Variants in GLIS3 observed in about 807,000 individuals in gnomAD.
GLIS3 encodes GLIS family zinc finger 3.
In GLIS3, 53 loss-of-function variants were observed where a neutral mutation model predicts 78.6. That is an observed-to-expected ratio of 0.67 (90% confidence interval 0.54 to 0.85). GLIS3 has a LOEUF of 0.85. Among genes scored for constraint, GLIS3 ranks in the 40% least tolerant of loss-of-function variants. GLIS3 has a pLI of 0.00. For missense variants in GLIS3, 1,703 were observed against 1,231.1 expected (o/e 1.38, Z -5.74); for synonymous variants, 684 against 509.9 (o/e 1.34, Z -4.60).
chr9:4,315,930 G>C (rs965550388), intron 2 of GLIS3, among the ~76,000 whole-genome samples: 2 of 152,118 alleles, frequency 1.3e-5, no homozygotes, highest in Non-Finnish European at 2.9e-5. Context: ...CTGTTGCCCT[G>C]AAACACCAAG....
intron 4 of GLIS3, among the ~76,000 whole-genome samples, chr9:4,040,829 T>C (rs1254156036): frequency 2.0e-5 from 3 of 152,184 alleles, no homozygotes; most frequent in African/African-American, 7.2e-5. Flanking sequence ...CATTGTTCTT[T>C]AGGTAAGAGT....
At chr9:3,915,515 T>C (rs978990336) in intron 6 of GLIS3, among the ~76,000 whole-genome samples, 4 of 152,176 alleles carry the variant, frequency 2.6e-5, no homozygotes, top group African/African-American at 4.8e-5. Context: ...TGTTGTCCTC[T>C]AAGTTAGAGG....
intron 4 of GLIS3, among the ~76,000 whole-genome samples, chr9:4,028,039 C>T (rs910931342): frequency 2.6e-5 from 4 of 152,130 alleles, no homozygotes; most frequent in East Asian, 1.9e-4. Context: ...TCCACTACAG[C>T]GGCAGCATAG....
chr9:4,235,476 G>A (rs1470394981), intron 2 of GLIS3, among the ~76,000 whole-genome samples: 1 of 152,122 alleles, frequency 6.6e-6, no homozygotes, highest in East Asian at 1.9e-4. Context: ...CAGCCATGCT[G>A]GAATTATGTT....
chr9:4,120,842 C>T (rs1329092583), intron 3 of GLIS3, among the ~76,000 whole-genome samples: 1 of 152,146 alleles, frequency 6.6e-6, no homozygotes, highest in Non-Finnish European at 1.5e-5. Context: ...GTATGTTATC[C>T]ACCTATATAT....
chr9:3,970,582 A>G (rs971826105), intron 4 of GLIS3, among the ~76,000 whole-genome samples: 1 of 152,144 alleles, frequency 6.6e-6, no homozygotes, highest in African/African-American at 2.4e-5. Context: ...CTGCTAATGC[A>G]CAGGACAGCC....
At chr9:4,187,486 T>C (rs1206530041) in intron 2 of GLIS3, among the ~76,000 whole-genome samples, 1 of 152,206 alleles carries the variant, frequency 6.6e-6, no homozygotes, top group East Asian at 1.9e-4. Context: ...TGGGCTCTTT[T>C]TTGGTTCCAT....
chr9:4,432,726 C>T, the GLIS3 span, among the ~76,000 whole-genome samples: 7 of 150,988 alleles, frequency 4.6e-5, no homozygotes, highest in East Asian at 1.9e-4. Context: ...CTGTAAACTC[C>T]GCCCCCTGCG....
chr9:4,003,650 T>C (rs1037982744), intron 4 of GLIS3, among the ~76,000 whole-genome samples: 9 of 152,228 alleles, frequency 5.9e-5, no homozygotes, highest in South Asian at 2.1e-4. Flanking sequence ...CACATTTGAA[T>C]ACCAAAGTAG....
chr9:4,365,138 C>G, the GLIS3 span, among the ~76,000 whole-genome samples: 4 of 152,212 alleles, frequency 2.6e-5, no homozygotes, highest in East Asian at 7.7e-4. Context: ...AACAGTACTT[C>G]CAGTTTCCAC....
At chr9:4,254,335 T>C (rs964361379) in intron 2 of GLIS3, among the ~76,000 whole-genome samples, 1 of 152,192 alleles carries the variant, frequency 6.6e-6, no homozygotes, top group Non-Finnish European at 1.5e-5. Context: ...GTTGGATCTG[T>C]CTGAAGAAAA....
At chr9:3,880,332 C>T (rs997071146) in intron 7 of GLIS3, among the ~76,000 whole-genome samples, 4 of 152,162 alleles carry the variant, frequency 2.6e-5, no homozygotes, top group East Asian at 1.9e-4. Context: ...TGACCTCAAA[C>T]GTGAATACGT....
intron 8 of GLIS3, among the ~76,000 whole-genome samples, chr9:3,865,424 G>A (rs755527147): frequency 6.6e-6 from 1 of 152,230 alleles, no homozygotes; most frequent in Non-Finnish European, 1.5e-5. Flanking sequence ...CAGAGAGGAA[G>A]CACTTTGGAA....
At chr9:3,902,154 T>C (rs949022168) in intron 6 of GLIS3, among the ~76,000 whole-genome samples, 1 of 152,234 alleles carries the variant, frequency 6.6e-6, no homozygotes, top group Non-Finnish European at 1.5e-5. Flanking sequence ...CATACAACTT[T>C]GTGGTGAGAG....
intron 4 of GLIS3, among the ~76,000 whole-genome samples, chr9:3,940,473 A>G (rs931503168): frequency 2.0e-5 from 3 of 152,162 alleles, no homozygotes; most frequent in Non-Finnish European, 4.4e-5. Context: ...TGTCACTGCC[A>G]CTGGACAACT....
chr9:4,478,452 A>C, the GLIS3 span, among the ~76,000 whole-genome samples: 1 of 152,098 alleles, frequency 6.6e-6, no homozygotes, highest in African/African-American at 2.4e-5. Flanking sequence ...CTCTACTAAA[A>C]ATACAAAAAT....
chr9:4,229,136 C>G (rs866788317), intron 2 of GLIS3, among the ~76,000 whole-genome samples: 1 of 152,044 alleles, frequency 6.6e-6, no homozygotes, highest in South Asian at 2.1e-4. Flanking sequence ...AAGGTAATAT[C>G]CATGTATAAA....
the GLIS3 span, among the ~76,000 whole-genome samples, chr9:4,488,596 C>A: frequency 6.6e-6 from 1 of 151,944 alleles, no homozygotes; most frequent in Admixed American, 6.6e-5. Context: ...CTCGGCTCAC[C>A]GCAACCTCCA....
At chr9:4,130,644 G>A (rs1832909539) in intron 2 of GLIS3, among the ~76,000 whole-genome samples, 1 of 152,232 alleles carries the variant, frequency 6.6e-6, no homozygotes. Flanking sequence ...AGGCTTGGAA[G>A]CTTCTGCCTA....
Sources: gnomAD v4.1 joint callset for allele counts (sites outside exome capture counted in the v4.1 genomes callset) on GRCh38, gnomAD v4.1.1 for gene constraint, MANE v1.5 for transcripts, NCBI Gene and HGNC (gene_info 2026-07-23, HGNC 2026-07-21) for gene names.